Variants in DOCK8 observed in about 807,000 individuals in gnomAD.
The protein encoded by DOCK8 is dedicator of cytokinesis protein 8.
DOCK8 carries 141 observed loss-of-function variants against 245.6 expected under a neutral mutation model. The ratio of observed to expected loss-of-function variants is 0.57; its 90% CI spans 0.50 to 0.66. The LOEUF (loss-of-function observed/expected upper bound fraction) is 0.66, where lower values mean the gene tolerates loss of function less well. Ranked by LOEUF, DOCK8 falls within the 30% of genes least tolerant of loss-of-function variation. DOCK8 has a pLI of 0.00. For synonymous variants in DOCK8, 1,168 were observed against 970.2 expected, an observed-to-expected ratio of 1.20 and a Z score of -3.79; for missense variants, 2,965 against 2,603.4, an observed-to-expected ratio of 1.14 and a Z score of -3.02.
In DOCK8 at chr9:426,966, G is replaced by A. The variant is rs1401504365; in HGVS notation, c.4323G>A (p.Gln1441=). 6.2e-7 allele frequency: 1 copy of A among 1,613,762 alleles called. No individual in the cohort carries two copies. The highest frequency in any genetic ancestry group is 1.3e-5 in the African/African-American group (1 of 74,990). The part of the protein sequence containing the change: ...TEAHLIILDM[Q]ENIIQASSAL... Reference sequence around the variant, plus strand: ...CACATTTAATCATCCTGGATATGCAGGAAAACATTATCCAGGTGAGGAAAA... The same window carrying A: ...CACATTTAATCATCCTGGATATGCAAGAAAACATTATCCAGGTGAGGAAAA... Residue 1441 remains glutamine (Q), a synonymous_variant, in exon 34 of 48, where the codon CAG becomes CAA. Transcript: ENST00000432829.
intron 39 of DOCK8, 114 bp downstream of exon 39, chr9:435,089 G>T: frequency 7.9e-7 from 1 of 1,262,886 alleles, no homozygotes; most frequent in Admixed American, 2.0e-5. Context: ...TATCACAACT[G>T]GGATGGGTGA....
rs149602835 is a variant in DOCK8, at chr9:446,588, C to T, written c.5799C>T (p.Ser1933=). 2.4e-5 allele frequency: 38 copies of T among 1,614,048 alleles called. No individual in the cohort carries two copies. The highest frequency in any genetic ancestry group is 8.9e-5 in the East Asian group (4 of 44,886). ...TCCCCTACATCAAGACCAGGATCAG[C>T]GTCATCCAGAAGGAGGAGGTAATGC... The part of the protein sequence containing the change: ...HAFPYIKTRI[S]VIQKEEFVLT... Residue 1933 remains serine, a synonymous_variant, in exon 44 of 48, where the codon AGC becomes AGT. Coordinates refer to ENST00000432829, the MANE Select transcript of DOCK8 (RefSeq NM_203447.4).
intron 44 of DOCK8, among the ~76,000 whole-genome samples, chr9:447,339 T>C (rs1174622632): frequency 6.6e-6 from 1 of 152,226 alleles, no homozygotes; most frequent in East Asian, 1.9e-4. Context: ...GGCCACAGAC[T>C]TCTCTGTGAC....
intron 35 of DOCK8, 94 bp downstream of exon 35, chr9:428,590 GAGCATATTAAGTGGCATCAC>G: frequency 6.7e-7 from 1 of 1,492,602 alleles, no homozygotes; most frequent in Non-Finnish European, 9.3e-7. Context: ...AAAAGTCACA[GAGCATATTAAGTGGCATCAC>G]AGTAAAGGTC....
At chr9:214,727 G>T (rs774953863), upstream of DOCK8, 2 of 1,525,296 alleles carry the variant, frequency 1.3e-6, no homozygotes, top group Non-Finnish European at 1.8e-6. Flanking sequence ...TCCGCGCTGG[G>T]CCCACGCCCT....
chr9:273,214 T>G (rs190418760), intron 2 of DOCK8: 1 of 764,618 alleles, frequency 1.3e-6, no homozygotes, highest in African/African-American at 1.9e-5. Flanking sequence ...AGGAGGTAAC[T>G]TTCCATGCCA....
At chr9:367,879 C>G (rs2053084452) in intron 14 of DOCK8, 139 bp from the exon 15 acceptor site, 4 of 701,552 alleles carry the variant, frequency 5.7e-6, no homozygotes, top group African/African-American at 1.8e-5. Context: ...TTCACTCCCC[C>G]CAATAATAAT....
chr9:396,637 C>T, intron 24 of DOCK8, 148 bp from the exon 25 acceptor site: 2 of 1,098,462 alleles, frequency 1.8e-6, no homozygotes, highest in African/African-American at 3.1e-5. Context: ...GCATTTTAGT[C>T]CAGAGCTTGC....
intron 7 of DOCK8, among the ~76,000 whole-genome samples, chr9:324,642 C>T (rs940522982): frequency 2.0e-5 from 3 of 152,180 alleles, no homozygotes; most frequent in Non-Finnish European, 2.9e-5. Flanking sequence ...AAGCCCCTCC[C>T]TGACCTCAAC....
At position 453,341 on chromosome 9, in the gene DOCK8, A is replaced by G. The variant is rs117516279; in HGVS notation, c.6068+1224A>G. 7.9e-5 allele frequency among the ~76,000 whole-genome samples: 12 copies of G among 151,878 alleles called. No homozygotes were observed. The East Asian group carries it at 1.9e-3, about 24-fold the overall frequency. On this transcript the variant is annotated intron_variant, in intron 46 of 47. Coordinates refer to ENST00000432829, the MANE Select transcript of DOCK8 (RefSeq NM_203447.4). ...TTTCCTGTATTTGACAACAATTCTGACAGAAAAACTAGTTGTTGTTGTTGT... is the reference window on the plus strand; with the variant it reads ...TTTCCTGTATTTGACAACAATTCTGGCAGAAAAACTAGTTGTTGTTGTTGT...
chr9:400,087 TCCACCATCA>T (rs1234909594), intron 26 of DOCK8, among the ~76,000 whole-genome samples: 1 of 66,184 alleles, frequency 1.5e-5, no homozygotes, highest in Non-Finnish European at 2.6e-5. Context: ...CACCACCACC[TCCACCATCA>T]CCACCACCAC....
upstream of DOCK8, among the ~76,000 whole-genome samples, chr9:212,481 C>T (rs933455292): frequency 7.2e-5 from 11 of 152,132 alleles, no homozygotes; most frequent in African/African-American, 2.2e-4. Flanking sequence ...TGATGGAAAA[C>T]GAAAGAGGCA....
chr9:285,681 A>G (rs754639500), intron 2 of DOCK8, among the ~76,000 whole-genome samples: 10 of 152,216 alleles, frequency 6.6e-5, no homozygotes, highest in Non-Finnish European at 1.2e-4. Flanking sequence ...AATTATAAGA[A>G]TTGTTTTTAT....
Position 351,890 on chromosome 9 carries a change from T to C in DOCK8, c.1679+11569T>C, listed in dbSNP as rs552951274. ...TGTTTGCAACTCCCTTGTAGAACTT[T>C]CCCTGAAGTCAGCAAGAACCCTGTG... On this transcript the variant is annotated intron_variant, in intron 14 of 47. Transcript: ENST00000432829. Among the ~76,000 whole-genome samples, 8 of 152,338 alleles carry C rather than the reference T, an allele frequency of 5.3e-5. No homozygotes were observed. The East Asian group carries it at 5.8e-4, about 11-fold the overall frequency.
chr9:339,627 GC>G (rs370751292), intron 13 of DOCK8, among the ~76,000 whole-genome samples: 1 of 152,184 alleles, frequency 6.6e-6, no homozygotes, highest in African/African-American at 2.4e-5. Flanking sequence ...TGATTCTCCT[GC>G]CTCAACCTCC....
chr9:420,990 G>T lies in DOCK8; in HGVS notation c.4065G>T (p.Gln1355His), dbSNP rs965081733. The change falls in exon 32 of 48, where the codon CAG becomes CAT. Residue 1355 changes from glutamine (Q) to histidine (H), a missense_variant. Transcript: ENST00000432829. The stretch of plus-strand genomic sequence containing the variant: ...ACAAAGTCAGTACCCAAGTCCTGCA[G>T]AAGTCAAGGGATGTCAAGGCCCGGC... ...SSDKVSTQVLQKSRDVKARLE... is the reference protein window; with the variant it reads ...SSDKVSTQVLHKSRDVKARLE... 6.2e-7 allele frequency: 1 copy of T among 1,614,244 alleles called. No homozygotes were observed. The highest frequency in any genetic ancestry group is 1.6e-4 in the Middle Eastern group (1 of 6,062).
At chr9:270,952 A>T (rs1024539709) in intron 1 of DOCK8, among the ~76,000 whole-genome samples, 1 of 152,228 alleles carries the variant, frequency 6.6e-6, no homozygotes, top group Non-Finnish European at 1.5e-5. Flanking sequence ...AAGCTGGGGT[A>T]TCACTGGCCA....
At chr9:338,691 G>A (rs559682402) in intron 12 of DOCK8, among the ~76,000 whole-genome samples, 1 of 152,204 alleles carries the variant, frequency 6.6e-6, no homozygotes, top group East Asian at 1.9e-4. Context: ...GGGTAATACT[G>A]GCATCAGAGG....
At chr9:433,348 T>C (rs369607719) in intron 37 of DOCK8, among the ~76,000 whole-genome samples, 3 of 152,198 alleles carry the variant, frequency 2.0e-5, no homozygotes, top group African/African-American at 7.2e-5. Context: ...CCAGGGTCTC[T>C]AGATCAAGCC....
Sources: allele counts gnomAD v4.1 joint callset (sites outside exome capture counted in the v4.1 genomes callset), GRCh38; gene constraint gnomAD v4.1.1; transcripts MANE v1.5; gene names NCBI Gene and HGNC (gene_info 2026-07-23, HGNC 2026-07-21).